The following PNLIP variants were observed in gnomAD, a reference collection of about 807,000 sequenced individuals.
The protein encoded by PNLIP is pancreatic lipase.
Under a neutral mutation model 57.1 loss-of-function variants are expected in PNLIP, and 49 were observed. That is an observed-to-expected ratio of 0.86 (90% CI 0.68 to 1.09). The LOEUF (loss-of-function observed/expected upper bound fraction) is 1.09, where lower values mean the gene tolerates loss of function less well. PNLIP is among the 50% of genes least tolerant of loss of function. The pLI, the probability that PNLIP is intolerant of heterozygous loss-of-function variation, is 0.00. For synonymous variants in PNLIP, 209 were observed against 200.4 expected (o/e 1.04, Z -0.36); for missense variants, 503 against 570.2 (o/e 0.88, Z 1.20).
intron 12 of PNLIP, among the ~76,000 whole-genome samples, chr10:116,562,389 G>A (rs1673851895): frequency 6.6e-6 from 1 of 152,172 alleles, no homozygotes; most frequent in South Asian, 2.1e-4. Flanking sequence ...TGAACATTGA[G>A]GAATAAGGGA....
chr10:116,547,071 G>A (rs1847133478), intron 2 of PNLIP, among the ~76,000 whole-genome samples: 1 of 152,164 alleles, frequency 6.6e-6, no homozygotes, highest in Admixed American at 6.5e-5. Context: ...GACACAAGGG[G>A]AGTGAAGTGA....
At chr10:116,549,286 G>T (rs1847163728) in intron 4 of PNLIP, among the ~76,000 whole-genome samples, 1 of 151,956 alleles carries the variant, frequency 6.6e-6, no homozygotes, top group Non-Finnish European at 1.5e-5. Context: ...GACCATACTG[G>T]CTAACACGGT....
intron 9 of PNLIP, among the ~76,000 whole-genome samples, chr10:116,556,463 C>T (rs1380715111): frequency 6.6e-6 from 1 of 152,154 alleles, no homozygotes; most frequent in Non-Finnish European, 1.5e-5. Context: ...TTCTTAAATG[C>T]TGACCTTTCT....
chr10:116,548,269 G>A (rs1012983393), intron 3 of PNLIP, 91 bp from the exon 4 acceptor site: 1 of 1,214,796 alleles, frequency 8.2e-7, no homozygotes, highest in African/African-American at 1.5e-5. Context: ...CTGAATCCTA[G>A]CAGTCTTCTA....
At position 116,553,761 on chromosome 10, in the gene PNLIP, T is replaced by C; in HGVS notation, c.494T>C (p.Val165Ala). The C allele has an allele frequency of 6.2e-7, 1 of 1,613,194 alleles. No individual in the cohort carries two copies. The highest frequency in any genetic ancestry group is 8.5e-7 in the Non-Finnish European group (1 of 1,179,406). ...GGTTACTCACCTTCCAATGTGCATG[T>C]CATTGGCCACAGCCTGGGTGCCCAC... ...AFGYSPSNVH[V>A]IGHSLGAHAA... The change falls in exon 6 of 13, where the codon GTC becomes GCC. Residue 165 changes from valine to alanine, a missense_variant. Transcript: ENST00000369221.
At chr10:116,555,718 C>T (rs1329240064) in intron 8 of PNLIP, among the ~76,000 whole-genome samples, 2 of 152,122 alleles carry the variant, frequency 1.3e-5, no homozygotes, top group African/African-American at 4.8e-5. Context: ...CTTCAGAGTA[C>T]CTAATTCAGG....
chr10:116,555,732 T>G (rs1589556880), intron 8 of PNLIP, among the ~76,000 whole-genome samples: 1 of 152,366 alleles, frequency 6.6e-6, no homozygotes, highest in East Asian at 1.9e-4. Flanking sequence ...ATTCAGGGAA[T>G]GAGCTTTTAT....
chr10:116,561,393 A>G, intron 11 of PNLIP, 79 bp from the exon 12 acceptor site: 1 of 1,055,672 alleles, frequency 9.5e-7, no homozygotes, highest in Non-Finnish European at 1.4e-6. Context: ...ATATGTACAC[A>G]CTTACATACA....
chr10:116,547,174 G>A (rs1010305267), intron 2 of PNLIP, 120 bp from the exon 3 acceptor site: 7 of 857,344 alleles, frequency 8.2e-6, no homozygotes, highest in Non-Finnish European at 1.2e-5. Context: ...TGGCTAGGAG[G>A]GTGTTGAGAG....
intron 9 of PNLIP, among the ~76,000 whole-genome samples, chr10:116,556,609 A>G (rs115212126): frequency 0.011 from 1,627 of 152,214 alleles, 17 homozygotes; most frequent in Middle Eastern, 0.031. Context: ...TTTTACTTTA[A>G]GTTCCAGGAT....
intron 5 of PNLIP, 39 bp downstream of exon 5, chr10:116,551,271 G>A: frequency 9.1e-7 from 1 of 1,098,290 alleles, no homozygotes; most frequent in Non-Finnish European, 1.2e-6. Context: ...TGTACACATG[G>A]TTTTCCAGAT....
chr10:116,551,643 A>G (rs1847195128), intron 5 of PNLIP, among the ~76,000 whole-genome samples: 1 of 152,202 alleles, frequency 6.6e-6, no homozygotes, highest in Non-Finnish European at 1.5e-5. Flanking sequence ...TTATACTTGA[A>G]TGTGTTTAAA....
chr10:116,562,031 A>G (rs1847320802), intron 12 of PNLIP, among the ~76,000 whole-genome samples: 1 of 152,216 alleles, frequency 6.6e-6, no homozygotes, highest in Admixed American at 6.5e-5. Flanking sequence ...GAATAGAAAT[A>G]GGCTTTTCCA....
intron 6 of PNLIP, 71 bp downstream of exon 6, chr10:116,553,909 C>A: frequency 1.2e-6 from 1 of 815,910 alleles, no homozygotes. Flanking sequence ...CAGTTTGAGG[C>A]CAATCTGGGC....
At chr10:116,552,455 C>G (rs949133737) in intron 5 of PNLIP, among the ~76,000 whole-genome samples, 4 of 151,458 alleles carry the variant, frequency 2.6e-5, no homozygotes, top group Non-Finnish European at 5.9e-5. Flanking sequence ...TAGTTTTTAA[C>G]AAAAAATTTT....
chr10:116,548,524 T>C, intron 4 of PNLIP, 42 bp downstream of exon 4: 4 of 1,603,136 alleles, frequency 2.5e-6, no homozygotes, highest in Non-Finnish European at 3.4e-6. Flanking sequence ...GTTTCCAAAG[T>C]GGTAATTAAC....
chr10:116,549,611 G>C (rs891732226), intron 4 of PNLIP, among the ~76,000 whole-genome samples: 3 of 152,186 alleles, frequency 2.0e-5, no homozygotes, highest in African/African-American at 7.2e-5. Flanking sequence ...GATGAGCACT[G>C]TAGAATCTGT....
chr10:116,560,740 G>C (rs1263075046), intron 11 of PNLIP, among the ~76,000 whole-genome samples: 1 of 151,468 alleles, frequency 6.6e-6, no homozygotes, highest in South Asian at 2.1e-4. Context: ...ACCACGCCTG[G>C]CTAATTTTTG....
chr10:116,555,518 T>A lies in PNLIP; in HGVS notation c.811+11T>A. ...ACGGAATCTGGGAAGGTAGAACTAT[T>A]ATGTGTAGAAAGAGATCTTCTTGGG... On this transcript the variant is annotated intron_variant, in intron 8 of 12. Transcript: ENST00000369221. 2 of 1,612,842 alleles carry A rather than the reference T, an allele frequency of 1.2e-6. No individual in the cohort carries two copies. The highest frequency in any genetic ancestry group is 1.7e-6 in the Non-Finnish European group (2 of 1,179,568).
Sources: allele counts gnomAD v4.1 joint callset (sites outside exome capture counted in the v4.1 genomes callset), GRCh38; gene constraint gnomAD v4.1.1; transcripts MANE v1.5; gene names NCBI Gene and HGNC (gene_info 2026-07-23, HGNC 2026-07-21).